FARP1: variants seen among roughly 807,000 people sequenced by gnomAD.
FARP1 encodes the protein FERM, ARH/RhoGEF and pleckstrin domain protein 1.
FARP1 carries 52 observed loss-of-function variants against 128.8 expected under a neutral mutation model. The observed-to-expected ratio is 0.40, with a 90% CI of 0.32 to 0.51. FARP1 has a LOEUF of 0.51. Ranked by LOEUF, FARP1 falls within the 20% of genes least tolerant of loss-of-function variation. The pLI, the probability that FARP1 is intolerant of heterozygous loss-of-function variation, is 0.45. For synonymous variants in FARP1, 580 were observed against 551.8 expected (o/e 1.05, Z -0.72); for missense variants, 1,333 against 1,367.9 (o/e 0.97, Z 0.40).
intron 2 of FARP1, among the ~76,000 whole-genome samples, chr13:98,248,789 T>G (rs753601726): frequency 2.6e-5 from 4 of 151,928 alleles, no homozygotes; most frequent in Non-Finnish European, 5.9e-5. Flanking sequence ...ATCTAGTTAG[T>G]GCCGTGATTT....
At chr13:98,439,035 G>C in intron 20 of FARP1, 72 bp from the exon 21 acceptor site, 1 of 1,421,474 alleles carries the variant, frequency 7.0e-7, no homozygotes. Flanking sequence ...GCACAGTTGA[G>C]GACAGGGAAT....
At chr13:98,216,396 CA>C (rs1215633900) in intron 2 of FARP1, among the ~76,000 whole-genome samples, 1 of 152,076 alleles carries the variant, frequency 6.6e-6, no homozygotes, top group Non-Finnish European at 1.5e-5. Context: ...AATTCAAGGC[CA>C]AGTGTCTGAC....
In FARP1 at chr13:98,176,232, G is replaced by A. The variant is rs1409699049; in HGVS notation, c.-24+32740G>A. The A allele has an allele frequency of 1.2e-6, 2 of 1,606,914 alleles. No homozygotes were observed. The highest frequency in any genetic ancestry group is 1.7e-6 in the Non-Finnish European group (2 of 1,174,238). On this transcript the variant is annotated intron_variant, in intron 1 of 26. Coordinates refer to ENST00000319562, the MANE Select transcript of FARP1 (RefSeq NM_005766.4). This position sits in a 1 kb window ranked among gnomAD's most constrained non-coding sequence, Gnocchi z 6.2. ...GAGAATTATGGGAAACCTAAGCCAT[G>A]GGAATTGGACACTCATGGGGGTCTT... is the stretch of plus-strand genomic sequence containing the variant.
chr13:98,368,059 A>G (rs1417341037), intron 4 of FARP1, 58 bp from the exon 5 acceptor site: 15 of 1,347,782 alleles, frequency 1.1e-5, no homozygotes, highest in Middle Eastern at 3.6e-4. Context: ...CTTTTTCTTT[A>G]ATGGCATTTG....
chr13:98,266,718 C>G (rs536375311), intron 2 of FARP1, among the ~76,000 whole-genome samples: 10 of 152,158 alleles, frequency 6.6e-5, no homozygotes, highest in African/African-American at 1.9e-4. Context: ...AAATTCTACA[C>G]GGATGGCATG....
Position 98,393,734 on chromosome 13 carries a change from G to T in FARP1, c.1164+16G>T. The T allele has an allele frequency of 6.2e-7, 1 of 1,602,118 alleles. No homozygotes were observed. The highest frequency in any genetic ancestry group is 1.1e-5 in the South Asian group (1 of 90,498). On this transcript the variant is annotated intron_variant, in intron 12 of 26. Coordinates refer to ENST00000319562, the MANE Select transcript of FARP1 (RefSeq NM_005766.4). Reference sequence around the variant, plus strand: ...GCTGGAGCAGGTCAGTGATGGCGCTGTCCTATGATAACTCTGCTTTTCCCC... The same window carrying T: ...GCTGGAGCAGGTCAGTGATGGCGCTTTCCTATGATAACTCTGCTTTTCCCC...
intron 2 of FARP1, among the ~76,000 whole-genome samples, chr13:98,288,968 CT>C (rs5806054): frequency 0.046 from 6,242 of 134,744 alleles, 330 homozygotes; most frequent in African/African-American, 0.14. Context: ...GTTCCTATGG[CT>C]TTTTTTTTTT....
intron 9 of FARP1, among the ~76,000 whole-genome samples, chr13:98,388,681 C>G (rs1010831098): frequency 6.6e-6 from 1 of 152,202 alleles, no homozygotes; most frequent in Non-Finnish European, 1.5e-5. Context: ...CGTTGGTAAA[C>G]AGAGAGCGTA....
At chr13:98,253,528 T>A (rs1883445053) in intron 2 of FARP1, among the ~76,000 whole-genome samples, 1 of 152,220 alleles carries the variant, frequency 6.6e-6, no homozygotes, top group Non-Finnish European at 1.5e-5. Context: ...TGGCCTGGGT[T>A]TCACCATTTG....
At chr13:98,382,881 C>T (rs182058343) in intron 6 of FARP1, among the ~76,000 whole-genome samples, 41 of 152,276 alleles carry the variant, frequency 2.7e-4, no homozygotes, top group Non-Finnish European at 4.7e-4. Flanking sequence ...CTTGTGTCCC[C>T]GCGTGCAGTG....
In FARP1 at chr13:98,319,984, C is replaced by T. The variant is rs192310383; in HGVS notation, c.172-23778C>T. ...CTTAAGCAGAAAAAGGAAATTGATC[C>T]TCACATTATGGGGGTGTCTGAAACA... is the stretch of plus-strand genomic sequence containing the variant. On this transcript the variant is annotated intron_variant, in intron 2 of 26. Coordinates refer to ENST00000319562, the MANE Select transcript of FARP1 (RefSeq NM_005766.4). Among the ~76,000 whole-genome samples, 408 of 152,194 alleles carry T rather than the reference C, an allele frequency of 2.7e-3. 5 individuals carry two copies. The highest frequency in any genetic ancestry group is 9.6e-3 in the African/African-American group (397 of 41,514).
At chr13:98,158,311 C>A (rs1296459355) in intron 1 of FARP1, among the ~76,000 whole-genome samples, 1 of 152,170 alleles carries the variant, frequency 6.6e-6, no homozygotes, top group East Asian at 1.9e-4. Flanking sequence ...TATAAAAAGT[C>A]ATGTAAGACA....
At chr13:98,378,842 G>GA (rs1393752362) in intron 6 of FARP1, among the ~76,000 whole-genome samples, 2 of 139,614 alleles carry the variant, frequency 1.4e-5, no homozygotes, top group South Asian at 2.2e-4. Flanking sequence ...ACATGGGCAA[G>GA]AAAAAAACAA....
chr13:98,292,335 T>C (rs1196481826), intron 2 of FARP1, among the ~76,000 whole-genome samples: 1 of 152,198 alleles, frequency 6.6e-6, no homozygotes, highest in Non-Finnish European at 1.5e-5. Flanking sequence ...TTTCTTAAAT[T>C]AGGGGAATGG....
chr13:98,383,372 G>C (rs115360589), intron 6 of FARP1, among the ~76,000 whole-genome samples: 2,325 of 152,294 alleles, frequency 0.015, 39 homozygotes, highest in Middle Eastern at 0.044. Flanking sequence ...TAGTGTTGTT[G>C]GTCTTTCGGA....
intron 2 of FARP1, among the ~76,000 whole-genome samples, chr13:98,298,216 G>A (rs556702770): frequency 6.6e-6 from 1 of 152,206 alleles, no homozygotes; most frequent in Non-Finnish European, 1.5e-5. Context: ...TCCTTTAACA[G>A]CATTTTCAAG....
Position 98,448,331 on chromosome 13 carries a change from T to A in FARP1, c.*14T>A, listed in dbSNP as rs781447179. ...CTTGTGTATTGATGGCCGGACACAC[T>A]CGTTTCCGCAGTGGCTGCTTTCCTG... On this transcript the variant is annotated 3_prime_UTR_variant, in exon 27 of 27. Transcript: ENST00000319562. 22 of 1,594,044 alleles carry A rather than the reference T, an allele frequency of 1.4e-5. No individual in the cohort carries two copies. The highest frequency in any genetic ancestry group is 2.2e-5 in the East Asian group (1 of 44,810).
intron 19 of FARP1, chr13:98,437,728 C>A (rs1206255534): frequency 9.9e-7 from 1 of 1,011,770 alleles, no homozygotes; most frequent in Non-Finnish European, 1.5e-6. Flanking sequence ...TGTATAGCTT[C>A]TCCGCTTTGT....
chr13:98,418,176 A>G (rs370701021), intron 16 of FARP1, among the ~76,000 whole-genome samples: 1 of 152,208 alleles, frequency 6.6e-6, no homozygotes, highest in South Asian at 2.1e-4. Context: ...CAGCTTTTCA[A>G]GGTGCTAGGA....
Sources: allele counts gnomAD v4.1 joint callset (sites outside exome capture counted in the v4.1 genomes callset), GRCh38; gene constraint gnomAD v4.1.1; non-coding constraint Gnocchi (gnomAD v3.1); transcripts MANE v1.5; gene names NCBI Gene and HGNC (gene_info 2026-07-23, HGNC 2026-07-21).